The following ZNF737 variants were observed in gnomAD, a reference collection of about 807,000 sequenced individuals.
The protein encoded by ZNF737 is zinc finger protein 102 (Y3).
In ZNF737, 13 loss-of-function variants were observed where a neutral mutation model predicts 11.7. The ratio of observed to expected loss-of-function variants is 1.11; its 90% confidence interval spans 0.73 to 1.77. The LOEUF is 1.77. Ranked by LOEUF, ZNF737 falls within the 40% of genes most tolerant of loss-of-function variation. The pLI, the probability that ZNF737 is intolerant of heterozygous loss-of-function variation, is 0.00. For missense variants in ZNF737, 636 were observed against 638.0 expected (o/e 1.00, Z 0.03); for synonymous variants, 217 against 216.2 (o/e 1.00, Z -0.03).
chr19:20,537,468 C>T (rs1347066273), downstream of ZNF737, among the ~76,000 whole-genome samples: 2 of 145,610 alleles, frequency 1.4e-5, no homozygotes, highest in African/African-American at 5.2e-5. Context: ...TCCCAAAATG[C>T]TGACATTACA....
chr19:20,553,030 A>G (rs1243464601), intron 2 of ZNF737, among the ~76,000 whole-genome samples: 2 of 151,890 alleles, frequency 1.3e-5, no homozygotes, highest in Non-Finnish European at 2.9e-5. Flanking sequence ...AAAAAAAAAA[A>G]AAAGAAAAAG....
chr19:20,531,509 T>G (rs1967828742), downstream of ZNF737, among the ~76,000 whole-genome samples: 1 of 149,404 alleles, frequency 6.7e-6, no homozygotes, highest in Non-Finnish European at 1.5e-5. Flanking sequence ...TAGGACGGAG[T>G]GTATAGATGT....
intron 1 of ZNF737, among the ~76,000 whole-genome samples, chr19:20,562,901 C>T (rs550026362): frequency 1.3e-5 from 2 of 152,066 alleles, no homozygotes; most frequent in Admixed American, 6.5e-5. Context: ...GGTAAGACAT[C>T]CTCTGATCTA....
At chr19:20,555,510 A>C (rs1413229924) in intron 1 of ZNF737, among the ~76,000 whole-genome samples, 1 of 152,232 alleles carries the variant, frequency 6.6e-6, no homozygotes, top group Non-Finnish European at 1.5e-5. Flanking sequence ...CCTGTTCGGC[A>C]TACAGCTAAT....
chr19:20,565,607 C>CT (rs1969269498), intron 1 of ZNF737, 31 bp downstream of exon 1: 1 of 1,614,170 alleles, frequency 6.2e-7, no homozygotes, highest in East Asian at 2.2e-5. Context: ...GCCTATCCCC[C>CT]TCTCTCGGGA....
chr19:20,561,539 C>T (rs189700481), intron 1 of ZNF737, among the ~76,000 whole-genome samples: 1 of 152,286 alleles, frequency 6.6e-6, no homozygotes, highest in Non-Finnish European at 1.5e-5. Context: ...GGCAGTGTGA[C>T]AGCCTGTGAC....
At chr19:20,530,912 C>T (rs1449502280), downstream of ZNF737, among the ~76,000 whole-genome samples, 2 of 148,240 alleles carry the variant, frequency 1.3e-5, no homozygotes, top group Non-Finnish European at 3.0e-5. Context: ...GCCGAGATCA[C>T]ACCACTGCAC....
At chr19:20,552,302 T>C (rs1349714757) in intron 3 of ZNF737, among the ~76,000 whole-genome samples, 173 bp downstream of exon 3, 5 of 143,728 alleles carry the variant, frequency 3.5e-5, no homozygotes, top group Admixed American at 1.4e-4. Context: ...AAGCAGAAGA[T>C]GCCCCTTTAT....
At chr19:20,537,481 C>T (rs550949643), downstream of ZNF737, among the ~76,000 whole-genome samples, 29 of 144,614 alleles carry the variant, frequency 2.0e-4, 1 homozygote, top group East Asian at 2.5e-3. Flanking sequence ...ACATTACAGG[C>T]GCGAGCCACC....
chr19:20,556,572 C>T (rs1968896400), intron 1 of ZNF737, among the ~76,000 whole-genome samples: 1 of 152,180 alleles, frequency 6.6e-6, no homozygotes, highest in African/African-American at 2.4e-5. Context: ...CCTGTCAATG[C>T]TGATGTTGCT....
intron 1 of ZNF737, among the ~76,000 whole-genome samples, chr19:20,561,044 A>G (rs10854030): frequency 0.76 from 115,444 of 151,602 alleles, 44,019 homozygotes; most frequent in East Asian, 0.82. Flanking sequence ...TGTGTACCCC[A>G]AAACAAAAAT....
chr19:20,537,793 G>A (rs1379637194), downstream of ZNF737, among the ~76,000 whole-genome samples: 10 of 152,048 alleles, frequency 6.6e-5, no homozygotes, highest in African/African-American at 2.4e-4. Flanking sequence ...GGGATTACAG[G>A]CATGAGCCAC....
Position 20,544,898 on chromosome 19 carries a change from C to T in ZNF737, c.1305G>A (p.Lys435=). Residue 435 remains lysine (K), a synonymous_variant, in exon 4 of 4, where the codon AAG becomes AAA. Transcript: ENST00000427401. ...TATGTGTAGTAAGGATAGAGAAGCA[C>T]TTAAAGGCCTTGCCACATTCTTCAC... is the stretch of plus-strand genomic sequence containing the variant. The part of the protein sequence containing the change: ...FKCEECGKAF[K]CFSILTTHKR... 1 of 1,610,944 alleles carries T rather than the reference C, an allele frequency of 6.2e-7. No individual in the cohort carries two copies. The highest frequency in any genetic ancestry group is 8.5e-7 in the Non-Finnish European group (1 of 1,179,178).
At position 20,545,468 on chromosome 19, in the gene ZNF737, A is replaced by C. The variant is rs1555756706; in HGVS notation, c.735T>G (p.Thr245=). 6.2e-7 allele frequency: 1 copy of C among 1,613,714 alleles called. No homozygotes were observed. Among genetic ancestry groups the C allele is most frequent in the Non-Finnish European group, 8.5e-7 (1 of 1,179,894 alleles). The part of the protein sequence containing the change: ...GKAFSRFSYL[T]AHKIIHSGEK... Reference sequence around the variant, plus strand: ...CTCCACTATGAATTATCTTATGTGCAGTAAGGTATGAAAACCGGCTAAAGG... The same window carrying C: ...CTCCACTATGAATTATCTTATGTGCCGTAAGGTATGAAAACCGGCTAAAGG... The change falls in exon 4 of 4, where the codon ACT becomes ACG. Residue 245 remains threonine (T), a synonymous_variant. Coordinates refer to ENST00000427401, the MANE Select transcript of ZNF737 (RefSeq NM_001159293.2).
Position 20,539,469 on chromosome 19 carries a change from C to A in ZNF737, c.*5123G>T. 4.1e-6 allele frequency: 4 copies of A among 985,334 alleles called. No homozygotes were observed. Among genetic ancestry groups the A allele is most frequent in the Non-Finnish European group, 4.8e-6 (4 of 829,914 alleles). 61.0% of individuals were successfully genotyped at this position (985,334 alleles called of 1,614,324 possible). On this transcript the variant is annotated 3_prime_UTR_variant, in exon 4 of 4. Transcript: ENST00000427401. ...AGTCATCTGGCCATTTCTGTAAGTACGGCAATTATGCGAAGCCATTGAAAA... is the reference window on the plus strand; with the variant it reads ...AGTCATCTGGCCATTTCTGTAAGTAAGGCAATTATGCGAAGCCATTGAAAA...
intron 1 of ZNF737, among the ~76,000 whole-genome samples, chr19:20,562,188 G>A (rs59798419): frequency 0.066 from 10,022 of 151,708 alleles, 1,129 homozygotes; most frequent in African/African-American, 0.23. Context: ...TGTCTTCAGC[G>A]CTCAAAATAT....
downstream of ZNF737, among the ~76,000 whole-genome samples, chr19:20,533,071 G>C (rs761391060): frequency 3.7e-4 from 55 of 149,916 alleles, 1 homozygote; most frequent in Non-Finnish European, 6.4e-4. Flanking sequence ...CTTTGGACTG[G>C]GGCTGGTTCA....
chr19:20,539,077 C>T lies in ZNF737; in HGVS notation c.*5515G>A, dbSNP rs1968092813. The T allele has an allele frequency of 1.2e-6, 1 of 831,442 alleles. No individual in the cohort carries two copies. The highest frequency in any genetic ancestry group is 1.4e-6 in the Non-Finnish European group (1 of 689,886). The allele number at this position is 831,442 out of a possible 1,614,324, so 51.5% of individuals were successfully genotyped here. A position where few individuals can be genotyped will look rare whatever the true frequency, so the allele number is the denominator to read the frequency against. On this transcript the variant is annotated 3_prime_UTR_variant, in exon 4 of 4. Transcript: ENST00000427401. ...CTGGGAGGCTGAGGTGGATGGATCA[C>T]CTGAGGTCAGGAGTTCAAGACAAGC...
At chr19:20,561,757 C>CA (rs1969107216) in intron 1 of ZNF737, among the ~76,000 whole-genome samples, 1 of 151,758 alleles carries the variant, frequency 6.6e-6, no homozygotes, top group Admixed American at 6.6e-5. Context: ...ACACTGTCCT[C>CA]ACTGCAGATG....
Sources: gnomAD v4.1 joint callset for allele counts (sites outside exome capture counted in the v4.1 genomes callset) on GRCh38, gnomAD v4.1.1 for gene constraint, MANE v1.5 for transcripts, NCBI Gene and HGNC (gene_info 2026-07-23, HGNC 2026-07-21) for gene names.